The following SLC37A3 variants were observed in gnomAD, a reference collection of about 807,000 sequenced individuals.
SLC37A3 encodes solute carrier family 37 member 3.
In SLC37A3, 51 loss-of-function variants were observed where a neutral mutation model predicts 67.1. The observed-to-expected ratio is 0.76, with a 90% confidence interval of 0.61 to 0.96. The LOEUF (loss-of-function observed/expected upper bound fraction) is 0.96. Among genes scored for constraint, SLC37A3 ranks in the 40% least tolerant of loss-of-function variants. The pLI is 0.00. For missense variants in SLC37A3, 508 were observed against 603.0 expected, an observed-to-expected ratio of 0.84 and a Z score of 1.65; for synonymous variants, 214 against 231.4, an observed-to-expected ratio of 0.92 and a Z score of 0.68.
At chr7:140,396,517 A>ACATTCTTC (rs1159706854) in intron 1 of SLC37A3, among the ~76,000 whole-genome samples, 4 of 152,206 alleles carry the variant, frequency 2.6e-5, no homozygotes, top group Admixed American at 2.6e-4. Context: ...TTCCAAAACC[A>ACATTCTTC]CATTCTTCCT....
At chr7:140,363,708 A>C (rs1428133734) in intron 5 of SLC37A3, among the ~76,000 whole-genome samples, 1 of 45,006 alleles carries the variant, frequency 2.2e-5, no homozygotes, top group Non-Finnish European at 5.7e-5. Context: ...AAATAAATAA[A>C]AAAATAAAAA....
rs756271990 is a variant in SLC37A3 at position 140,355,726 on chromosome 7, G to A, written c.560C>T (p.Ser187Leu). 15 of 1,613,666 alleles carry A rather than the reference G, an allele frequency of 9.3e-6. No homozygotes were observed. Among genetic ancestry groups the A allele is most frequent in the South Asian group, 2.2e-5 (2 of 91,054 alleles). The stretch of plus-strand genomic sequence containing the variant: ...GCACGCTCCCAAAATGTTGCCCACC[G>A]AAGCACAGGCACTCCAGAGACCAAA... Reference protein sequence around the residue: ...VVFGLWSACASVGNILGACLA... With the variant: ...VVFGLWSACALVGNILGACLA... The change falls in exon 7 of 15, where the codon TCG (serine) becomes TTG (leucine). Residue 187 changes from serine (S) to leucine (L), a missense_variant. Ser to Leu is a moderately radical substitution (Grantham distance 145, BLOSUM62 -2). Coordinates refer to ENST00000326232, the MANE Select transcript of SLC37A3 (RefSeq NM_207113.3).
At chr7:140,355,989 G>A (rs987873203) in intron 6 of SLC37A3, among the ~76,000 whole-genome samples, 4 of 152,136 alleles carry the variant, frequency 2.6e-5, no homozygotes, top group Non-Finnish European at 5.9e-5. Flanking sequence ...GAGGTCAGGA[G>A]TTCGAGACCA....
intron 9 of SLC37A3, among the ~76,000 whole-genome samples, chr7:140,350,759 G>A (rs970819981): frequency 1.2e-4 from 18 of 151,754 alleles, no homozygotes; most frequent in Admixed American, 6.6e-4. Context: ...GCGACACTCC[G>A]TCCCAAAATC....
intron 4 of SLC37A3, 132 bp from the exon 5 acceptor site, chr7:140,364,623 C>T: frequency 8.9e-6 from 7 of 786,250 alleles, no homozygotes; most frequent in South Asian, 4.0e-5. Flanking sequence ...CCGAGGCTAC[C>T]TGTCTACAGG....
intron 6 of SLC37A3, 35 bp from the exon 7 acceptor site, chr7:140,355,799 G>C (rs762393689): frequency 6.4e-6 from 10 of 1,566,612 alleles, no homozygotes; most frequent in Non-Finnish European, 8.8e-6. Context: ...AAAGGGCCAT[G>C]GTCAGAAGAG....
chr7:140,380,875 C>A (rs1480214649), intron 2 of SLC37A3, among the ~76,000 whole-genome samples: 1 of 147,846 alleles, frequency 6.8e-6, no homozygotes, highest in Non-Finnish European at 1.5e-5. Flanking sequence ...TGACACTGAA[C>A]AATTTTAGAA....
chr7:140,374,451 C>T (rs576985476), intron 3 of SLC37A3, among the ~76,000 whole-genome samples: 26 of 150,046 alleles, frequency 1.7e-4, no homozygotes, highest in African/African-American at 5.1e-4. Context: ...AAGCTGAGAT[C>T]GCGCCACTGT....
intron 1 of SLC37A3, among the ~76,000 whole-genome samples, chr7:140,396,748 T>C (rs1422522375): frequency 6.6e-6 from 1 of 152,162 alleles, no homozygotes; most frequent in African/African-American, 2.4e-5. Context: ...ATAAAAGTAT[T>C]GTTTCCGGGT....
rs376240017 is a variant in SLC37A3, at chr7:140,373,075, C to G, written c.199-3393G>C. Among the ~76,000 whole-genome samples the G allele has an allele frequency of 3.9e-5, 6 of 152,232 alleles. No homozygotes were observed. The East Asian group carries it at 1.2e-3, about 30-fold the overall frequency. ...CAAGCGATTCTCCTGCCTCAGCCTC[C>G]TGAGTAGCTGGGACTACAGGCACAT... On this transcript the variant is annotated intron_variant, in intron 3 of 14. Coordinates refer to ENST00000326232, the MANE Select transcript of SLC37A3 (RefSeq NM_207113.3).
chr7:140,389,401 C>T (rs999676080), intron 1 of SLC37A3, among the ~76,000 whole-genome samples: 13 of 152,152 alleles, frequency 8.5e-5, no homozygotes, highest in Non-Finnish European at 1.5e-4. Flanking sequence ...GAACAGAAGA[C>T]AGAGAGAAAG....
intron 10 of SLC37A3, among the ~76,000 whole-genome samples, chr7:140,348,210 G>A (rs2117059563): frequency 6.6e-6 from 1 of 152,252 alleles, no homozygotes; most frequent in Admixed American, 6.5e-5. Flanking sequence ...TGGGGAAGGT[G>A]GGAGGTAGAT....
intron 1 of SLC37A3, among the ~76,000 whole-genome samples, chr7:140,391,859 C>T (rs912969060): frequency 6.6e-6 from 1 of 152,176 alleles, no homozygotes. Context: ...CTCTTCAGCA[C>T]ACAGCACCAT....
intron 6 of SLC37A3, 102 bp downstream of exon 6, chr7:140,358,538 G>A: frequency 6.9e-7 from 1 of 1,457,806 alleles, no homozygotes; most frequent in Non-Finnish European, 9.4e-7. Flanking sequence ...GAAAGATGTG[G>A]GTGGTATCTA....
chr7:140,352,188 A>C, intron 7 of SLC37A3, 42 bp from the exon 8 acceptor site: 1 of 1,432,274 alleles, frequency 7.0e-7, no homozygotes, highest in East Asian at 3.0e-5. Context: ...ATATCTGGGG[A>C]CAGTCATCAC....
intron 12 of SLC37A3, among the ~76,000 whole-genome samples, chr7:140,344,568 C>T (rs1369870409): frequency 6.6e-6 from 1 of 152,148 alleles, no homozygotes; most frequent in Admixed American, 6.5e-5. Context: ...CCAGCCTGGG[C>T]AACATGGTGA....
intron 10 of SLC37A3, among the ~76,000 whole-genome samples, chr7:140,347,627 T>C (rs1290322226): frequency 6.6e-6 from 1 of 152,214 alleles, no homozygotes; most frequent in Non-Finnish European, 1.5e-5. Context: ...CAATTCTAAA[T>C]GTTAACATTA....
rs1228419966 is a variant in SLC37A3 at position 140,363,037 on chromosome 7, G to T, written c.375+1371C>A. On this transcript the variant is annotated intron_variant, in intron 5 of 14. Transcript: ENST00000326232. The stretch of plus-strand genomic sequence containing the variant: ...CCTAATGGGAAGTGAGGACCCCTCT[G>T]CCCGGCCAGCCGCCCCGTCAGGGAG... Among the ~76,000 whole-genome samples, 96 of 91,630 alleles carry T rather than the reference G, an allele frequency of 1.0e-3. 16 individuals carry two copies. Among genetic ancestry groups the T allele is most frequent in the Non-Finnish European group, 1.8e-3 (73 of 41,344 alleles). The allele number at this position is 91,630 out of a possible 152,430, so 60.1% of individuals were successfully genotyped here. A position where few individuals can be genotyped will look rare whatever the true frequency, so the allele number is the denominator to read the frequency against.
At chr7:140,341,553 C>T (rs1796362599) in intron 13 of SLC37A3, among the ~76,000 whole-genome samples, 1 of 152,100 alleles carries the variant, frequency 6.6e-6, no homozygotes, top group Admixed American at 6.6e-5. Flanking sequence ...GAGGTTAACG[C>T]TAAGTCACAG....
Sources: gnomAD v4.1 joint callset for allele counts (sites outside exome capture counted in the v4.1 genomes callset) on GRCh38, gnomAD v4.1.1 for gene constraint, MANE v1.5 for transcripts, NCBI Gene and HGNC (gene_info 2026-07-23, HGNC 2026-07-21) for gene names.